Variants in PCDH9 observed in about 807,000 individuals in gnomAD.
PCDH9 encodes the protein protocadherin 9.
PCDH9 carries 24 observed loss-of-function variants against 70.6 expected under a neutral mutation model. The observed-to-expected ratio is 0.34, with a 90% CI of 0.25 to 0.48. The LOEUF is 0.48. Among genes scored for constraint, PCDH9 ranks in the 20% least tolerant of loss-of-function variants. The pLI, the probability that PCDH9 is intolerant of heterozygous loss-of-function variation, is 0.99. For synonymous variants in PCDH9, 562 were observed against 558.5 expected (o/e 1.01, Z -0.09); for missense variants, 1,281 against 1,503.6 (o/e 0.85, Z 2.45).
intron 4 of PCDH9, among the ~76,000 whole-genome samples, chr13:66,505,411 C>A (rs1031737204): frequency 3.0e-4 from 46 of 152,062 alleles, no homozygotes; most frequent in African/African-American, 1.1e-3. Flanking sequence ...TTCACTATCA[C>A]GAGAACAGCA....
intron 3 of PCDH9, among the ~76,000 whole-genome samples, chr13:66,889,894 C>G (rs976677755): frequency 2.0e-5 from 3 of 152,098 alleles, no homozygotes; most frequent in Admixed American, 2.0e-4. Context: ...TTCTGTGAAG[C>G]CATGGGGATG....
intron 4 of PCDH9, among the ~76,000 whole-genome samples, chr13:66,583,597 G>A (rs945349349): frequency 6.6e-6 from 1 of 151,456 alleles, no homozygotes; most frequent in East Asian, 1.9e-4. Flanking sequence ...CTGGGTGACA[G>A]AGTGAGACTC....
intron 3 of PCDH9, among the ~76,000 whole-genome samples, chr13:66,850,119 G>T (rs2081291390): frequency 6.6e-6 from 1 of 151,936 alleles, no homozygotes; most frequent in South Asian, 2.1e-4. Context: ...ATAATTTTGT[G>T]CCACTAAAAA....
intron 3 of PCDH9, among the ~76,000 whole-genome samples, chr13:66,736,109 T>C (rs573700030): frequency 2.0e-5 from 3 of 152,326 alleles, no homozygotes; most frequent in East Asian, 1.9e-4. Context: ...ATTAATTAAA[T>C]ACAGCATACT....
intron 4 of PCDH9, among the ~76,000 whole-genome samples, chr13:66,325,407 T>C (rs1403572485): frequency 1.3e-5 from 2 of 152,030 alleles, no homozygotes; most frequent in Admixed American, 1.3e-4. Flanking sequence ...ACGAGTTTTC[T>C]GTATCCTATG....
At chr13:67,032,575 C>A (rs1256193953) in intron 2 of PCDH9, among the ~76,000 whole-genome samples, 1 of 152,112 alleles carries the variant, frequency 6.6e-6, no homozygotes, top group East Asian at 1.9e-4. Flanking sequence ...AAGAAAGTTA[C>A]CTCCCTTGTT....
intron 3 of PCDH9, among the ~76,000 whole-genome samples, chr13:66,819,218 T>G (rs1390750628): frequency 6.6e-6 from 1 of 152,056 alleles, no homozygotes; most frequent in African/African-American, 2.4e-5. Flanking sequence ...GTTTGTCAAA[T>G]TTAATCAGGT....
At chr13:66,382,537 A>G (rs1956866319) in intron 4 of PCDH9, among the ~76,000 whole-genome samples, 1 of 147,426 alleles carries the variant, frequency 6.8e-6, no homozygotes, top group African/African-American at 2.7e-5. Context: ...TGTTGTAGCA[A>G]TTATAATCAT....
intron 4 of PCDH9, among the ~76,000 whole-genome samples, chr13:66,438,942 C>T (rs1957926166): frequency 6.6e-6 from 1 of 152,102 alleles, no homozygotes; most frequent in Non-Finnish European, 1.5e-5. Flanking sequence ...GGAGTTCTTC[C>T]CAATGCTGAA....
intron 3 of PCDH9, among the ~76,000 whole-genome samples, chr13:66,831,618 T>C (rs2080926761): frequency 6.6e-6 from 1 of 152,166 alleles, no homozygotes. Context: ...AGTTAACCTC[T>C]ATTTAATTTT....
chr13:66,662,353 A>T (rs534323849), intron 3 of PCDH9, among the ~76,000 whole-genome samples: 1 of 152,146 alleles, frequency 6.6e-6, no homozygotes, highest in South Asian at 2.1e-4. Flanking sequence ...CATGCCTGTA[A>T]TCCCAGCTAC....
At chr13:66,310,840 C>A (rs975955650) in intron 4 of PCDH9, among the ~76,000 whole-genome samples, 8 of 151,982 alleles carry the variant, frequency 5.3e-5, no homozygotes, top group African/African-American at 1.9e-4. Flanking sequence ...TAGGCAAATT[C>A]CTCTTGGATG....
intron 2 of PCDH9, among the ~76,000 whole-genome samples, chr13:66,994,723 T>C (rs1010637501): frequency 6.6e-6 from 1 of 152,190 alleles, no homozygotes; most frequent in African/African-American, 2.4e-5. Flanking sequence ...GATCTCCTTT[T>C]TTGAGTCTCC....
intron 2 of PCDH9, among the ~76,000 whole-genome samples, chr13:67,065,877 T>C (rs1033564101): frequency 6.6e-6 from 1 of 152,104 alleles, no homozygotes; most frequent in Non-Finnish European, 1.5e-5. Context: ...TTAGAATATT[T>C]AGCAATCACG....
intron 2 of PCDH9, among the ~76,000 whole-genome samples, chr13:66,987,048 CA>C (rs1314750629): frequency 6.6e-6 from 1 of 151,798 alleles, no homozygotes; most frequent in African/African-American, 2.4e-5. Flanking sequence ...GCAAAAATGG[CA>C]TTTGAGAGGG....
At chr13:66,479,704 G>C (rs1390963646) in intron 4 of PCDH9, among the ~76,000 whole-genome samples, 2 of 152,108 alleles carry the variant, frequency 1.3e-5, no homozygotes, top group Non-Finnish European at 2.9e-5. Flanking sequence ...CTAGCTAAAG[G>C]ATTGTAAATT....
chr13:66,911,839 A>T (rs1169929545), intron 2 of PCDH9, among the ~76,000 whole-genome samples: 2 of 152,210 alleles, frequency 1.3e-5, no homozygotes, highest in Non-Finnish European at 2.9e-5. Flanking sequence ...GGAACTTCCC[A>T]GACCCTTGAA....
chr13:66,409,784 G>C (rs868763216), intron 4 of PCDH9, among the ~76,000 whole-genome samples: 8 of 152,280 alleles, frequency 5.3e-5, no homozygotes, highest in Middle Eastern at 3.4e-3. Context: ...TGAGACATCT[G>C]TGCTCCCATC....
At position 66,744,055 on chromosome 13, in the gene PCDH9, A is replaced by C. The variant is rs556147762; in HGVS notation, c.3139-112644T>G. 1.6e-4 allele frequency among the ~76,000 whole-genome samples: 25 copies of C among 152,298 alleles called. No homozygotes were observed. In the South Asian group the frequency reaches 5.2e-3, roughly 32 times the overall value. The stretch of plus-strand genomic sequence containing the variant: ...TGGCCAGAAGGTGTCCAACAAGGTT[A>C]CTTGTATTATTCATGTGCTATTTAA... On this transcript the variant is annotated intron_variant, in intron 3 of 4. Coordinates refer to ENST00000377865, the MANE Select transcript of PCDH9 (RefSeq NM_203487.3).
Sources: gnomAD v4.1 joint callset for allele counts (sites outside exome capture counted in the v4.1 genomes callset) on GRCh38, gnomAD v4.1.1 for gene constraint, MANE v1.5 for transcripts, NCBI Gene and HGNC (gene_info 2026-07-23, HGNC 2026-07-21) for gene names.